The following PIEZO2 variants were observed in gnomAD, a reference collection of about 807,000 sequenced individuals.
PIEZO2 encodes piezo type mechanosensitive ion channel component 2, also known as piezo-type mechanosensitive ion channel component 2.
PIEZO2 carries 172 observed loss-of-function variants against 337.3 expected under a neutral mutation model. The observed-to-expected ratio is 0.51, with a 90% CI of 0.45 to 0.58. The LOEUF (loss-of-function observed/expected upper bound fraction) is 0.58. Among genes scored for constraint, PIEZO2 ranks in the 20% least tolerant of loss-of-function variants. The pLI, the probability that PIEZO2 is intolerant of heterozygous loss-of-function variation, is 0.00. For missense variants in PIEZO2, 3,028 were observed against 3,391.3 expected (o/e 0.89, Z 2.66); for synonymous variants, 1,251 against 1,228.5 (o/e 1.02, Z -0.38).
intron 29 of PIEZO2, among the ~76,000 whole-genome samples, chr18:10,749,150 T>G (rs922277946): frequency 6.7e-6 from 1 of 150,264 alleles, no homozygotes; most frequent in Middle Eastern, 3.5e-3. Context: ...AATCACATAA[T>G]AAAAAAAAAA....
At chr18:10,869,669 C>G (rs2042092161) in intron 5 of PIEZO2, among the ~76,000 whole-genome samples, 3 of 152,104 alleles carry the variant, frequency 2.0e-5, no homozygotes, top group African/African-American at 4.8e-5. Flanking sequence ...GGAATGTCAA[C>G]AAGAAGAAGA....
chr18:11,148,649 G>GCCTTGCGTCCC lies in PIEZO2; in HGVS notation c.-62_-61insGGGACGCAAGG. The GCCTTGCGTCCC allele has an allele frequency of 1.3e-6, 2 of 1,515,298 alleles. No homozygotes were observed. The highest frequency in any genetic ancestry group is 1.8e-6 in the Non-Finnish European group (2 of 1,128,068). 93.9% of individuals were successfully genotyped at this position (1,515,298 alleles called of 1,614,324 possible). ...GCTCGAGGGTCCCTAGGGGTGGTGG[G>GCCTTGCGTCCC]ACGCAAGGCCCATGCCCGTCTATGG... On this transcript the variant is annotated 5_prime_UTR_variant, in exon 1 of 56. An upstream open reading frame in the 5' UTR loses its in-frame stop. Coordinates refer to ENST00000674853, the MANE Select transcript of PIEZO2 (RefSeq NM_001378183.1). The surrounding 1 kb of genome is among the most constrained non-coding windows in gnomAD (Gnocchi z 5.2).
intron 4 of PIEZO2, among the ~76,000 whole-genome samples, chr18:10,893,985 G>A (rs1370590677): frequency 6.6e-6 from 1 of 152,186 alleles, no homozygotes. Context: ...AGTCAGGTGA[G>A]CATCAGATGA....
intron 3 of PIEZO2, among the ~76,000 whole-genome samples, chr18:10,928,052 C>T (rs879823808): frequency 3.3e-5 from 5 of 152,130 alleles, no homozygotes; most frequent in East Asian, 3.9e-4. Context: ...GGTGTGGTGA[C>T]GCCCCACTCA....
Position 10,727,183 on chromosome 18 carries a change from C to T in PIEZO2, c.5029+4224G>A. 1 of 364,338 alleles carries T rather than the reference C, an allele frequency of 2.7e-6. No homozygotes were observed. The highest frequency in any genetic ancestry group is 4.9e-6 in the Non-Finnish European group (1 of 205,722). The allele number at this position is 364,338 out of a possible 1,614,324, so 22.6% of individuals were successfully genotyped here. ...CTGAGTCGCCCTCCTGCCTCCAGCT[C>T]TGTGTTGAGCAGAGGGAAGGCATGG... On this transcript the variant is annotated intron_variant, in intron 36 of 55. Coordinates refer to ENST00000674853, the MANE Select transcript of PIEZO2 (RefSeq NM_001378183.1). This position sits in a 1 kb window ranked among gnomAD's most constrained non-coding sequence, Gnocchi z 6.3.
intron 18 of PIEZO2, among the ~76,000 whole-genome samples, chr18:10,779,054 A>G (rs942880707): frequency 2.6e-5 from 4 of 152,232 alleles, no homozygotes; most frequent in Non-Finnish European, 5.9e-5. Flanking sequence ...TCTTCCTATC[A>G]GCTGAAAAAC....
At chr18:10,708,799 T>C (rs1034637020) in intron 39 of PIEZO2, among the ~76,000 whole-genome samples, 1 of 152,262 alleles carries the variant, frequency 6.6e-6, no homozygotes, top group Admixed American at 6.5e-5. Context: ...AAAGAAAATA[T>C]GCTTTATTTG....
rs917805218 is a variant in PIEZO2 at position 11,128,093 on chromosome 18, A to C, written c.64+20432T>G. Among the ~76,000 whole-genome samples the C allele has an allele frequency of 2.6e-5, 4 of 152,154 alleles. No homozygotes were observed. Among genetic ancestry groups the C allele is most frequent in the African/African-American group, 7.2e-5 (3 of 41,430 alleles). On this transcript the variant is annotated intron_variant, in intron 1 of 55. Transcript: ENST00000674853. The surrounding 1 kb of genome is among the most constrained non-coding windows in gnomAD (Gnocchi z 4.1). ...TCCTGATTCACCACTCATGACAGGC[A>C]AGGAGTTTAGTGACTCTATACCTAA...
chr18:11,139,785 T>A (rs1178514108), intron 1 of PIEZO2, among the ~76,000 whole-genome samples: 1 of 152,070 alleles, frequency 6.6e-6, no homozygotes, highest in African/African-American at 2.4e-5. Context: ...ATCTGGGAAG[T>A]GATTGAGGGA....
In PIEZO2 at chr18:10,883,816, C is replaced by CTTTTTTTT. The variant is rs71169957; in HGVS notation, c.330-12409_330-12402dup. Among the ~76,000 whole-genome samples the CTTTTTTTT allele has an allele frequency of 2.2e-4, 27 of 122,822 alleles. 7 individuals are homozygous for CTTTTTTTT. Among genetic ancestry groups the CTTTTTTTT allele is most frequent in the African/African-American group, 5.0e-4 (15 of 29,778 alleles). 80.6% of individuals were successfully genotyped at this position (122,822 alleles called of 152,430 possible). A position where few individuals can be genotyped will look rare whatever the true frequency, so the allele number is the denominator to read the frequency against. On this transcript the variant is annotated intron_variant, in intron 4 of 55. Transcript: ENST00000674853. ...TACCCTGTTTCTATGAGTCCTACTT[C>CTTTTTTTT]TTTTTTTTTTTTGAGACAGAGTCTC...
At chr18:10,925,079 C>T (rs2031647772) in intron 3 of PIEZO2, among the ~76,000 whole-genome samples, 1 of 151,958 alleles carries the variant, frequency 6.6e-6, no homozygotes, top group African/African-American at 2.4e-5. Flanking sequence ...TATGGAGGGC[C>T]TGGTGGTTTA....
In PIEZO2 at chr18:10,872,428, A is replaced by G. The variant is rs1284791372; in HGVS notation, c.330-1013T>C. Among the ~76,000 whole-genome samples the G allele has an allele frequency of 6.6e-6, 1 of 152,176 alleles. No homozygotes were observed. The highest frequency in any genetic ancestry group is 2.4e-5 in the African/African-American group (1 of 41,460). On this transcript the variant is annotated intron_variant, in intron 4 of 55. Transcript: ENST00000674853. The surrounding 1 kb of genome is among the most constrained non-coding windows in gnomAD (Gnocchi z 4.3). ...TTTGGGAGGCGTCCAGTGGTAATGA[A>G]TATGGGAATGAGAGGCAGTATACTG...
At position 10,886,351 on chromosome 18, in the gene PIEZO2, C is replaced by T. The variant is rs1353110736; in HGVS notation, c.330-14936G>A. On this transcript the variant is annotated intron_variant, in intron 4 of 55. Coordinates refer to ENST00000674853, the MANE Select transcript of PIEZO2 (RefSeq NM_001378183.1). The stretch of plus-strand genomic sequence containing the variant: ...ATATATATATATATATATACACACA[C>T]ACACACACACATATATATGTGTGTG... Among the ~76,000 whole-genome samples, 10 of 9,226 alleles carry T rather than the reference C, an allele frequency of 1.1e-3. 2 individuals carry two copies. The highest frequency in any genetic ancestry group is 7.3e-3 in the African/African-American group (7 of 958). 6.1% of individuals were successfully genotyped at this position (9,226 alleles called of 152,430 possible).
intron 47 of PIEZO2, 33 bp from the exon 48 acceptor site, chr18:10,691,416 G>A: frequency 6.3e-7 from 1 of 1,594,484 alleles, no homozygotes; most frequent in Non-Finnish European, 8.6e-7. Context: ...GTGAAGCAAT[G>A]AAATACTCTT....
rs188054967 is a variant in PIEZO2 at position 10,940,110 on chromosome 18, T to C, written c.287-28882A>G. On this transcript the variant is annotated intron_variant, in intron 3 of 55. Transcript: ENST00000674853. This position sits in a 1 kb window ranked among gnomAD's most constrained non-coding sequence, Gnocchi z 5.3. ...AACTCCAGGGAGTGGTTCGCCAGCC[T>C]TTCCTACAAAAAAACACACTTCAGA... Among the ~76,000 whole-genome samples the C allele has an allele frequency of 2.0e-5, 3 of 152,290 alleles. No homozygotes were observed. Among genetic ancestry groups the C allele is most frequent in the Admixed American group, 1.3e-4 (2 of 15,302 alleles).
intron 7 of PIEZO2, among the ~76,000 whole-genome samples, chr18:10,851,609 G>A (rs1372941627): frequency 6.6e-6 from 1 of 152,178 alleles, no homozygotes; most frequent in Non-Finnish European, 1.5e-5. Flanking sequence ...GTGTAGTTCA[G>A]TGCTTGTTTT....
chr18:11,019,763 A>T (rs987229), intron 2 of PIEZO2, among the ~76,000 whole-genome samples: 78,721 of 152,034 alleles, frequency 0.52, 20,575 homozygotes, highest in Middle Eastern at 0.57. Flanking sequence ...ACTGTGATTG[A>T]GTGTTACAAA....
chr18:10,762,747 AG>A, intron 22 of PIEZO2, 122 bp from the exon 23 acceptor site: 1 of 1,341,988 alleles, frequency 7.5e-7, no homozygotes, highest in Non-Finnish European at 1.0e-6. Context: ...GGCCCATTTC[AG>A]GGGAGACCTC....
In PIEZO2 at chr18:10,993,876, A is replaced by G. The variant is rs1338633218; in HGVS notation, c.161-14216T>C. ...TAATTTTAAAATTTTTCATTTCCAT[A>G]GGTTTTGGGGAACAGGTGATATTTG... On this transcript the variant is annotated intron_variant, in intron 2 of 55. Transcript: ENST00000674853. The surrounding 1 kb of genome is among the most constrained non-coding windows in gnomAD (Gnocchi z 5.0). Among the ~76,000 whole-genome samples, 1 of 151,812 alleles carries G rather than the reference A, an allele frequency of 6.6e-6. No homozygotes were observed. Among genetic ancestry groups the G allele is most frequent in the African/African-American group, 2.4e-5 (1 of 41,292 alleles).
Sources: gnomAD v4.1 joint callset for allele counts (sites outside exome capture counted in the v4.1 genomes callset) on GRCh38, gnomAD v4.1.1 for gene constraint, Gnocchi (gnomAD v3.1) non-coding constraint, MANE v1.5 for transcripts, NCBI Gene and HGNC (gene_info 2026-07-23, HGNC 2026-07-21) for gene names.